Variants in PDE11A observed in about 807,000 individuals in gnomAD.
PDE11A encodes dual 3',5'-cyclic-AMP and -GMP phosphodiesterase 11A.
In PDE11A, 100 loss-of-function variants were observed where a neutral mutation model predicts 100.5. The observed-to-expected ratio is 1.00, with a 90% confidence interval of 0.85 to 1.18. PDE11A has a LOEUF of 1.18. Ranked by LOEUF, PDE11A falls within the 50% of genes most tolerant of loss-of-function variation. The pLI is 0.00. For synonymous variants in PDE11A, 381 were observed against 420.8 expected (o/e 0.91, Z 1.16); for missense variants, 1,141 against 1,152.6 (o/e 0.99, Z 0.15).
intron 1 of PDE11A, chr2:178,105,816 A>T: frequency 1.5e-6 from 1 of 660,206 alleles, no homozygotes; most frequent in Non-Finnish European, 2.1e-6. Flanking sequence ...GCCAACTGGG[A>T]CCTTGGCCAG....
intron 1 of PDE11A, among the ~76,000 whole-genome samples, chr2:178,047,585 A>C (rs974543266): frequency 6.6e-6 from 1 of 152,178 alleles, no homozygotes; most frequent in Non-Finnish European, 1.5e-5. Context: ...TCACCTCATC[A>C]GTACTTTCAG....
intron 13 of PDE11A, among the ~76,000 whole-genome samples, chr2:177,708,934 G>T (rs1427446579): frequency 6.6e-6 from 1 of 152,228 alleles, no homozygotes; most frequent in Non-Finnish European, 1.5e-5. Context: ...GGTACATTAG[G>T]GTGGATAGAA....
intron 2 of PDE11A, among the ~76,000 whole-genome samples, chr2:177,938,161 T>G (rs1574292403): frequency 6.6e-6 from 1 of 151,916 alleles, no homozygotes. Flanking sequence ...AGCAGCTGGG[T>G]TTGGAGTTGT....
chr2:177,989,070 G>C (rs566552704), intron 2 of PDE11A, among the ~76,000 whole-genome samples: 82 of 152,284 alleles, frequency 5.4e-4, no homozygotes, highest in African/African-American at 1.9e-3. Context: ...ACATACACAT[G>C]CTCAAATTTT....
At position 178,020,240 on chromosome 2, in the gene PDE11A, G is replaced by C. The variant is rs55766762; in HGVS notation, c.913-5780C>G. Among the ~76,000 whole-genome samples, 182 of 152,302 alleles carry C rather than the reference G, an allele frequency of 1.2e-3. 1 individual carries two copies. Among genetic ancestry groups the C allele is most frequent in the Non-Finnish European group, 2.3e-3 (154 of 68,028 alleles). Reference sequence around the variant, plus strand: ...GAAAATCCACTCTGCAGTAGGAACAGCCTGTTTGCCCTTACCTTTGTGATA... The same window carrying C: ...GAAAATCCACTCTGCAGTAGGAACACCCTGTTTGCCCTTACCTTTGTGATA... On this transcript the variant is annotated intron_variant, in intron 1 of 19. Transcript: ENST00000286063.
chr2:177,648,172 C>A, intron 19 of PDE11A, among the ~76,000 whole-genome samples: 1 of 151,942 alleles, frequency 6.6e-6, no homozygotes, highest in East Asian at 1.9e-4. Context: ...TTACATATAC[C>A]ACTAGGTATA....
At chr2:177,927,863 G>T (rs2105760670) in intron 2 of PDE11A, among the ~76,000 whole-genome samples, 1 of 152,192 alleles carries the variant, frequency 6.6e-6, no homozygotes, top group East Asian at 1.9e-4. Context: ...CCAGCACTTT[G>T]GGAGGCCGAG....
intron 9 of PDE11A, among the ~76,000 whole-genome samples, chr2:177,792,210 A>G (rs998136752): frequency 7.2e-5 from 11 of 152,178 alleles, no homozygotes; most frequent in Non-Finnish European, 1.5e-4. Flanking sequence ...ATTCTTTTCT[A>G]ATGAACTACT....
chr2:177,723,762 A>C (rs1357982845), intron 12 of PDE11A, among the ~76,000 whole-genome samples: 6 of 152,048 alleles, frequency 3.9e-5, no homozygotes, highest in Non-Finnish European at 4.4e-5. Context: ...AAGAATACTG[A>C]CTCTTAAAGA....
At chr2:178,072,932 T>C (rs1279322951), upstream of PDE11A, 22 of 985,298 alleles carry the variant, frequency 2.2e-5, no homozygotes, top group Non-Finnish European at 2.7e-5. Context: ...GAAGAGTCTC[T>C]GGACGGCCGG....
chr2:177,837,690 C>G (rs924972221), intron 6 of PDE11A, among the ~76,000 whole-genome samples: 19 of 152,192 alleles, frequency 1.2e-4, no homozygotes, highest in African/African-American at 4.6e-4. Context: ...TCTGAGCTAC[C>G]CTTAAAGATT....
chr2:177,950,156 T>TTACATA (rs2085489521), intron 2 of PDE11A, among the ~76,000 whole-genome samples: 1 of 152,188 alleles, frequency 6.6e-6, no homozygotes, highest in South Asian at 2.1e-4. Context: ...TATTTCTTAA[T>TTACATA]TACATAGCTT....
chr2:177,643,037 T>C (rs2080167070), intron 19 of PDE11A, among the ~76,000 whole-genome samples: 1 of 152,212 alleles, frequency 6.6e-6, no homozygotes, highest in Non-Finnish European at 1.5e-5. Flanking sequence ...CATGGAACTG[T>C]AAGTCCCTTA....
At chr2:177,666,937 T>TTTATTTA (rs2080597390) in intron 18 of PDE11A, among the ~76,000 whole-genome samples, 1 of 13,722 alleles carries the variant, frequency 7.3e-5, no homozygotes, top group Non-Finnish European at 2.5e-4. Context: ...TTATTTATTT[T>TTTATTTA]GAGAGAGTCT....
intron 9 of PDE11A, among the ~76,000 whole-genome samples, chr2:177,772,028 T>TAAAA (rs543497530): frequency 2.0e-5 from 3 of 151,778 alleles, no homozygotes; most frequent in African/African-American, 7.3e-5. Flanking sequence ...AATAAATAAA[T>TAAAA]AAAAATAATG....
rs745455464 is a variant in PDE11A, at chr2:177,697,349, G to A, written c.2328C>T (p.Asp776=). The A allele has an allele frequency of 6.4e-7, 1 of 1,562,238 alleles. No individual in the cohort carries two copies. Among genetic ancestry groups the A allele is most frequent in the Non-Finnish European group, 8.8e-7 (1 of 1,132,796 alleles). ...QLLKQSILAT[D]LTLYFERRTE... ...ATACCTACTCAAAGTACAGCGTGAG[G>A]TCTGTTGCCAATATTGACTGCTTCA... Residue 776 remains aspartate (D), a synonymous_variant, in exon 15 of 20, where the codon GAC becomes GAT. Coordinates refer to ENST00000286063, the MANE Select transcript of PDE11A (RefSeq NM_016953.4).
chr2:177,761,384 T>C (rs547234313), intron 10 of PDE11A, among the ~76,000 whole-genome samples: 11 of 152,122 alleles, frequency 7.2e-5, no homozygotes, highest in Non-Finnish European at 1.2e-4. Flanking sequence ...CCAAGCATTA[T>C]AAGTTCTTTT....
Position 177,660,099 on chromosome 2 carries a change from C to CTTTCTT in PDE11A, c.2646+3766_2646+3767insAAGAAA, listed in dbSNP as rs1553535225. Among the ~76,000 whole-genome samples, 41 of 42,304 alleles carry CTTTCTT rather than the reference C, an allele frequency of 9.7e-4. 1 individual carries two copies. The highest frequency in any genetic ancestry group is 1.7e-3 in the African/African-American group (26 of 14,974). 27.8% of individuals were successfully genotyped at this position (42,304 alleles called of 152,430 possible). A position where few individuals can be genotyped will look rare whatever the true frequency, so the allele number is the denominator to read the frequency against. ...TCTTTCTTTCTTTCTTTCTTTCTTT[C>CTTTCTT]TCTCTCTCTCTCTTTCTTTCTTTCT... On this transcript the variant is annotated intron_variant, in intron 19 of 19. Transcript: ENST00000286063.
chr2:178,088,761 C>T (rs1196925443), intron 2 of PDE11A, among the ~76,000 whole-genome samples: 3 of 152,172 alleles, frequency 2.0e-5, no homozygotes, highest in Non-Finnish European at 4.4e-5. Flanking sequence ...ACTAAATTCT[C>T]CTGGTTCCTG....
Sources: allele counts gnomAD v4.1 joint callset (sites outside exome capture counted in the v4.1 genomes callset), GRCh38; gene constraint gnomAD v4.1.1; transcripts MANE v1.5; gene names NCBI Gene and HGNC (gene_info 2026-07-23, HGNC 2026-07-21).